SPAG16: variants seen among roughly 807,000 people sequenced by gnomAD.
SPAG16 encodes sperm associated antigen 16.
A neutral mutation model predicts 80.4 loss-of-function variants in SPAG16; 86 were observed. That is an observed-to-expected ratio of 1.07 (90% CI 0.90 to 1.28). The LOEUF (loss-of-function observed/expected upper bound fraction) is 1.28. SPAG16 is among the 50% of genes most tolerant of loss of function. The pLI is 0.00. For missense variants in SPAG16, 870 were observed against 765.3 expected (o/e 1.14, Z -1.61); for synonymous variants, 294 against 265.9 (o/e 1.11, Z -1.03).
intron 15 of SPAG16, among the ~76,000 whole-genome samples, chr2:214,279,996 G>A (rs10932529): frequency 0.32 from 49,156 of 152,042 alleles, 8,165 homozygotes; most frequent in East Asian, 0.52. Context: ...GGAATTTACA[G>A]CACTATATGC....
At chr2:214,321,003 C>T (rs546873307) in intron 15 of SPAG16, among the ~76,000 whole-genome samples, 13 of 152,254 alleles carry the variant, frequency 8.5e-5, no homozygotes, top group East Asian at 5.8e-4. Flanking sequence ...TGTAGAATCA[C>T]GTAAACATGT....
intron 13 of SPAG16, among the ~76,000 whole-genome samples, chr2:214,094,882 G>A (rs1373224541): frequency 1.3e-5 from 2 of 152,022 alleles, no homozygotes; most frequent in African/African-American, 4.8e-5. Context: ...CGTCCCAGGT[G>A]CATCATCCAC....
Position 213,732,625 on chromosome 2 carries a change from G to A in SPAG16, c.1071-129860G>A, listed in dbSNP as rs192805614. On this transcript the variant is annotated intron_variant, in intron 10 of 15. Coordinates refer to ENST00000331683, the MANE Select transcript of SPAG16 (RefSeq NM_024532.5). The stretch of plus-strand genomic sequence containing the variant: ...TGAAAAATGTCATGGTAGTTTAATG[G>A]GGATAGCATTGAATGAATCTGTAAA... Among the ~76,000 whole-genome samples the A allele has an allele frequency of 9.4e-3, 1,432 of 152,264 alleles. 13 individuals are homozygous for A. Among genetic ancestry groups the A allele is most frequent in the Admixed American group, 0.015 (227 of 15,292 alleles).
intron 5 of SPAG16, among the ~76,000 whole-genome samples, chr2:213,324,078 T>C (rs1324377573): frequency 6.6e-6 from 1 of 152,142 alleles, no homozygotes; most frequent in African/African-American, 2.4e-5. Flanking sequence ...CCAACAATAG[T>C]GTATTGTACA....
chr2:214,108,492 C>A (rs2053512363), intron 14 of SPAG16, among the ~76,000 whole-genome samples: 1 of 150,874 alleles, frequency 6.6e-6, no homozygotes, highest in Non-Finnish European at 1.5e-5. Flanking sequence ...CCCACACACA[C>A]CCCAAGTCGT....
chr2:213,409,182 C>G (rs10197120), intron 9 of SPAG16, among the ~76,000 whole-genome samples: 32,897 of 149,986 alleles, frequency 0.22, 4,413 homozygotes, highest in Non-Finnish European at 0.31. Flanking sequence ...AAAAATATCT[C>G]TGAAAGTTGT....
chr2:213,460,590 G>T (rs1260329439), intron 9 of SPAG16, among the ~76,000 whole-genome samples: 4 of 152,070 alleles, frequency 2.6e-5, no homozygotes, highest in African/African-American at 4.8e-5. Flanking sequence ...ATTTAAACAA[G>T]GTTATCTTGA....
chr2:213,566,345 C>A (rs922754098), intron 10 of SPAG16, among the ~76,000 whole-genome samples: 3 of 152,076 alleles, frequency 2.0e-5, no homozygotes, highest in Non-Finnish European at 4.4e-5. Flanking sequence ...ATTTTAACTT[C>A]AGGCAAAACA....
At chr2:213,583,297 G>C (rs1239983965) in intron 10 of SPAG16, among the ~76,000 whole-genome samples, 1 of 152,104 alleles carries the variant, frequency 6.6e-6, no homozygotes, top group Non-Finnish European at 1.5e-5. Flanking sequence ...AAAATTATAA[G>C]TAACGCTGGA....
intron 10 of SPAG16, among the ~76,000 whole-genome samples, chr2:213,858,391 C>A (rs1006018622): frequency 6.6e-6 from 1 of 152,188 alleles, no homozygotes; most frequent in Admixed American, 6.5e-5. Flanking sequence ...CAAGACCCTC[C>A]ACCAGCAGAA....
chr2:214,120,343 T>A (rs189286114), intron 14 of SPAG16, among the ~76,000 whole-genome samples: 1 of 152,012 alleles, frequency 6.6e-6, no homozygotes, highest in East Asian at 1.9e-4. Context: ...ACTACATTTC[T>A]TATAGAAATG....
intron 15 of SPAG16, among the ~76,000 whole-genome samples, chr2:214,349,287 A>G (rs191695206): frequency 5.1e-4 from 78 of 152,356 alleles, no homozygotes; most frequent in Non-Finnish European, 7.9e-4. Context: ...AAACAAGATT[A>G]TGTATGTAGG....
At chr2:213,802,242 A>G (rs1340865364) in intron 10 of SPAG16, among the ~76,000 whole-genome samples, 1 of 152,182 alleles carries the variant, frequency 6.6e-6, no homozygotes, top group African/African-American at 2.4e-5. Flanking sequence ...TGGTCAGAAG[A>G]TAGGGACTGG....
intron 10 of SPAG16, among the ~76,000 whole-genome samples, chr2:213,712,641 T>C (rs1253556846): frequency 6.6e-6 from 1 of 152,208 alleles, no homozygotes; most frequent in Non-Finnish European, 1.5e-5. Context: ...CATTTGCCCT[T>C]CTTTCTCTCT....
chr2:213,752,442 C>G (rs1453891745), intron 10 of SPAG16, among the ~76,000 whole-genome samples: 1 of 152,132 alleles, frequency 6.6e-6, no homozygotes, highest in Non-Finnish European at 1.5e-5. Flanking sequence ...TGTGTTTCTT[C>G]TGTAGTTATA....
intron 15 of SPAG16, among the ~76,000 whole-genome samples, chr2:214,251,814 C>A (rs1179901490): frequency 6.6e-6 from 1 of 152,064 alleles, no homozygotes; most frequent in South Asian, 2.1e-4. Context: ...ACCTGAAATA[C>A]AGCACAAATT....
chr2:214,121,341 A>G (rs2054210712), intron 14 of SPAG16, among the ~76,000 whole-genome samples: 1 of 151,850 alleles, frequency 6.6e-6, no homozygotes, highest in Admixed American at 6.6e-5. Context: ...TTAGCTGCAA[A>G]CTAAAGTTAT....
At chr2:213,919,852 A>T (rs547868577) in intron 11 of SPAG16, among the ~76,000 whole-genome samples, 4 of 152,022 alleles carry the variant, frequency 2.6e-5, no homozygotes, top group African/African-American at 9.6e-5. Context: ...ATTTTTGTTA[A>T]TTTTCTGACT....
At chr2:213,756,647 A>G (rs114624612) in intron 10 of SPAG16, among the ~76,000 whole-genome samples, 1 of 152,364 alleles carries the variant, frequency 6.6e-6, no homozygotes, top group African/African-American at 2.4e-5. Context: ...AAACATGTTA[A>G]TATGGGATCT....
Sources: gnomAD v4.1 joint callset for allele counts (sites outside exome capture counted in the v4.1 genomes callset) on GRCh38, gnomAD v4.1.1 for gene constraint, MANE v1.5 for transcripts, NCBI Gene and HGNC (gene_info 2026-07-23, HGNC 2026-07-21) for gene names.